FCHSD2: variants seen among roughly 807,000 people sequenced by gnomAD.
The protein encoded by FCHSD2 is F-BAR and double SH3 domains protein 2.
A neutral mutation model predicts 108.1 loss-of-function variants in FCHSD2; 38 were observed. The observed-to-expected ratio is 0.35, with a 90% confidence interval of 0.27 to 0.46. The LOEUF (loss-of-function observed/expected upper bound fraction) is 0.46. FCHSD2 is among the 20% of genes least tolerant of loss of function. The pLI, the probability that FCHSD2 is intolerant of heterozygous loss-of-function variation, is 1.00. For missense variants in FCHSD2, 751 were observed against 897.8 expected, an observed-to-expected ratio of 0.84 and a Z score of 2.09; for synonymous variants, 279 against 314.7, an observed-to-expected ratio of 0.89 and a Z score of 1.20.
At chr11:73,070,737 T>C (rs1016760074) in intron 3 of FCHSD2, among the ~76,000 whole-genome samples, 1 of 149,924 alleles carries the variant, frequency 6.7e-6, no homozygotes, top group Admixed American at 6.6e-5. Context: ...AAATGTCAAA[T>C]TAAAAAAAAA....
intron 12 of FCHSD2, among the ~76,000 whole-genome samples, chr11:72,885,023 C>G (rs774166396): frequency 6.6e-6 from 1 of 151,974 alleles, no homozygotes; most frequent in African/African-American, 2.4e-5. Context: ...TCGATAAAAA[C>G]GAAAAACCAC....
intron 2 of FCHSD2, among the ~76,000 whole-genome samples, chr11:73,119,781 C>T (rs141231810): frequency 1.3e-5 from 2 of 152,046 alleles, no homozygotes; most frequent in Non-Finnish European, 2.9e-5. Context: ...AATATTTGAC[C>T]CATCAATTCT....
intron 14 of FCHSD2, among the ~76,000 whole-genome samples, chr11:72,848,650 CT>C (rs1208753622): frequency 2.6e-5 from 4 of 152,330 alleles, no homozygotes; most frequent in South Asian, 4.1e-4. Context: ...CAATGATTAA[CT>C]GACTAAATAG....
intron 8 of FCHSD2, among the ~76,000 whole-genome samples, chr11:72,966,532 C>T (rs1438003861): frequency 6.6e-6 from 1 of 152,140 alleles, no homozygotes; most frequent in Non-Finnish European, 1.5e-5. Flanking sequence ...ACTTACTTGC[C>T]TGCATAGCTT....
chr11:73,089,485 TG>T (rs1215668222), intron 2 of FCHSD2, among the ~76,000 whole-genome samples: 1 of 152,228 alleles, frequency 6.6e-6, no homozygotes, highest in Non-Finnish European at 1.5e-5. Context: ...GGTAAATGAA[TG>T]TTCACAGCAG....
At chr11:73,028,765 T>C (rs1858289188) in intron 3 of FCHSD2, among the ~76,000 whole-genome samples, 1 of 152,110 alleles carries the variant, frequency 6.6e-6, no homozygotes, top group Non-Finnish European at 1.5e-5. Flanking sequence ...TGAGGGCAGA[T>C]TTTCCTCATG....
chr11:72,900,203 A>C, intron 10 of FCHSD2: 1 of 1,319,788 alleles, frequency 7.6e-7, no homozygotes, highest in Non-Finnish European at 1.1e-6. Flanking sequence ...CCCTTCATTA[A>C]CATGCAAACC....
intron 14 of FCHSD2, among the ~76,000 whole-genome samples, chr11:72,845,778 C>G (rs1861115616): frequency 6.6e-6 from 1 of 152,156 alleles, no homozygotes; most frequent in South Asian, 2.1e-4. Flanking sequence ...ATCTGATGAG[C>G]AGACTTAGAT....
intron 2 of FCHSD2, among the ~76,000 whole-genome samples, chr11:73,116,851 T>C (rs143959801): frequency 6.8e-4 from 104 of 152,306 alleles, no homozygotes; most frequent in African/African-American, 2.5e-3. Flanking sequence ...TCTCTTTTTT[T>C]AGTTATGAAC....
Position 73,084,445 on chromosome 11 carries a change from C to T in FCHSD2, c.120-705G>A, listed in dbSNP as rs560995084. ...TTGTTCTGTTGCCTAGGCTTGAGTG[C>T]GGCGGTGAGGTCCTAGCCCACTGCA... On this transcript the variant is annotated intron_variant, in intron 2 of 19. Transcript: ENST00000409418. Among the ~76,000 whole-genome samples the T allele has an allele frequency of 2.4e-3, 364 of 152,158 alleles. 1 individual carries two copies. Among genetic ancestry groups the T allele is most frequent in the African/African-American group, 8.3e-3 (344 of 41,492 alleles).
At chr11:72,889,689 G>A in intron 11 of FCHSD2, 140 bp downstream of exon 11, 1 of 591,178 alleles carries the variant, frequency 1.7e-6, no homozygotes, top group South Asian at 2.1e-5. Context: ...CTTCAACCTG[G>A]GTGACAGAGC....
intron 3 of FCHSD2, among the ~76,000 whole-genome samples, chr11:73,019,121 A>G (rs887951584): frequency 3.3e-5 from 5 of 152,202 alleles, no homozygotes; most frequent in African/African-American, 1.2e-4. Flanking sequence ...CATGATAGTG[A>G]CTTTTTCAGT....
chr11:73,106,639 C>T (rs187683215), intron 2 of FCHSD2, among the ~76,000 whole-genome samples: 15 of 152,076 alleles, frequency 9.9e-5, no homozygotes, highest in African/African-American at 2.7e-4. Context: ...CATAACATTT[C>T]CATAAAAAAT....
chr11:72,927,618 C>T (rs1856101733), intron 8 of FCHSD2, among the ~76,000 whole-genome samples: 1 of 152,212 alleles, frequency 6.6e-6, no homozygotes, highest in South Asian at 2.1e-4. Flanking sequence ...TCTGATTCAG[C>T]AGGCTGAAGA....
At chr11:72,879,679 T>C (rs1458194186) in intron 12 of FCHSD2, among the ~76,000 whole-genome samples, 1 of 152,118 alleles carries the variant, frequency 6.6e-6, no homozygotes, top group African/African-American at 2.4e-5. Context: ...ATCCATAGGT[T>C]TTAATAGACA....
intron 10 of FCHSD2, among the ~76,000 whole-genome samples, chr11:72,900,821 T>C (rs1855511823): frequency 6.6e-6 from 1 of 152,192 alleles, no homozygotes; most frequent in Non-Finnish European, 1.5e-5. Context: ...GTGTTTCTAT[T>C]AAACTGATAC....
At chr11:72,886,895 G>C (rs1045628637) in intron 12 of FCHSD2, among the ~76,000 whole-genome samples, 1 of 152,038 alleles carries the variant, frequency 6.6e-6, no homozygotes, top group Admixed American at 6.6e-5. Flanking sequence ...GTGTGGGAGA[G>C]AATGTTTCAC....
At chr11:72,963,965 G>C (rs528194906) in intron 8 of FCHSD2, among the ~76,000 whole-genome samples, 3 of 152,190 alleles carry the variant, frequency 2.0e-5, no homozygotes, top group Non-Finnish European at 4.4e-5. Flanking sequence ...TAATAGATGG[G>C]TAAACTTGGA....
At chr11:72,969,841 C>T (rs977751003) in intron 8 of FCHSD2, among the ~76,000 whole-genome samples, 13 of 152,158 alleles carry the variant, frequency 8.5e-5, no homozygotes, top group African/African-American at 3.1e-4. Flanking sequence ...TTTAAACACA[C>T]ACATTGGTTA....
Sources: gnomAD v4.1 joint callset for allele counts (sites outside exome capture counted in the v4.1 genomes callset) on GRCh38, gnomAD v4.1.1 for gene constraint, MANE v1.5 for transcripts, NCBI Gene and HGNC (gene_info 2026-07-23, HGNC 2026-07-21) for gene names.